The following PARD3 variants were observed in gnomAD, a reference collection of about 807,000 sequenced individuals.
PARD3 encodes partitioning defective 3 homolog.
Under a neutral mutation model 155.4 loss-of-function variants are expected in PARD3, and 75 were observed. The ratio of observed to expected loss-of-function variants is 0.48; its 90% confidence interval spans 0.40 to 0.58. The LOEUF is 0.58. Among genes scored for constraint, PARD3 ranks in the 20% least tolerant of loss-of-function variants. PARD3 has a pLI of 0.00. For synonymous variants in PARD3, 576 were observed against 610.5 expected (o/e 0.94, Z 0.83); for missense variants, 1,642 against 1,721.7 (o/e 0.95, Z 0.82).
At chr10:34,431,639 C>A (rs928941089) in intron 5 of PARD3, among the ~76,000 whole-genome samples, 6 of 148,098 alleles carry the variant, frequency 4.1e-5, no homozygotes, top group Non-Finnish European at 8.9e-5. Context: ...ACTTGGGAGG[C>A]TGAGGCAACA....
At chr10:34,798,351 G>A (rs891151027) in intron 1 of PARD3, among the ~76,000 whole-genome samples, 1 of 151,292 alleles carries the variant, frequency 6.6e-6, no homozygotes, top group Non-Finnish European at 1.5e-5. Flanking sequence ...GAAGGAGAAG[G>A]AGAAGGAGAA....
chr10:34,365,844 T>TC (rs1294840961), intron 12 of PARD3, among the ~76,000 whole-genome samples: 1 of 152,048 alleles, frequency 6.6e-6, no homozygotes, highest in East Asian at 1.9e-4. Flanking sequence ...CACCTTGGCC[T>TC]CCCAAAGTGC....
chr10:34,211,228 G>C (rs1015830341), intron 22 of PARD3, among the ~76,000 whole-genome samples: 4 of 152,158 alleles, frequency 2.6e-5, no homozygotes, highest in African/African-American at 4.8e-5. Flanking sequence ...GATGTGTCTA[G>C]GGTCGTAAAG....
Position 34,119,694 on chromosome 10 carries a change from A to G in PARD3, c.3587T>C (p.Val1196Ala). Residue 1196 changes from valine (V) to alanine (A), a missense_variant, in exon 24 of 25, where the codon GTG becomes GCG. Physicochemically the swap from Val to Ala is moderately conservative, Grantham distance 64. Around this residue, in one of 3 missense-constraint regions of PARD3, gnomAD observed 1,529 missense variants for 1,587.3 expected, o/e 0.96. Transcript: ENST00000374788. ...ATQSGRHSVS[V>A]EVQMQRQRQE... ...CCGCTGCCGCTGCATCTGCACCTCCACGGACACCGAGTGTCGCCCGCTCTG... is the reference window on the plus strand; with the variant it reads ...CCGCTGCCGCTGCATCTGCACCTCCGCGGACACCGAGTGTCGCCCGCTCTG... 1 of 1,613,038 alleles carries G rather than the reference A, an allele frequency of 6.2e-7. No individual in the cohort carries two copies. The highest frequency in any genetic ancestry group is 1.3e-5 in the African/African-American group (1 of 75,044).
intron 23 of PARD3, among the ~76,000 whole-genome samples, chr10:34,128,046 T>TA (rs1365671078): frequency 1.3e-5 from 2 of 152,158 alleles, no homozygotes; most frequent in African/African-American, 4.8e-5. Flanking sequence ...AGAAGACAAT[T>TA]AGAGATTTTC....
chr10:34,540,399 G>A (rs1212442677), intron 2 of PARD3, among the ~76,000 whole-genome samples: 1 of 151,858 alleles, frequency 6.6e-6, no homozygotes, highest in African/African-American at 2.4e-5. Flanking sequence ...TTCATGGAAG[G>A]AAGGAAGGTG....
chr10:34,214,316 G>A (rs1951897116), intron 22 of PARD3, among the ~76,000 whole-genome samples: 1 of 152,106 alleles, frequency 6.6e-6, no homozygotes, highest in Non-Finnish European at 1.5e-5. Flanking sequence ...TCCTAATAAT[G>A]TTATTGCCAT....
chr10:34,762,268 G>A (rs1490569949), intron 1 of PARD3, among the ~76,000 whole-genome samples: 1 of 142,576 alleles, frequency 7.0e-6, no homozygotes, highest in African/African-American at 2.6e-5. Flanking sequence ...GGGAGAGAGA[G>A]AGAGACAAAG....
At chr10:34,264,034 C>T (rs777481830) in intron 22 of PARD3, among the ~76,000 whole-genome samples, 10 of 152,152 alleles carry the variant, frequency 6.6e-5, no homozygotes, top group Non-Finnish European at 1.2e-4. Context: ...ATTCATTATA[C>T]AGATGGTCCC....
intron 1 of PARD3, among the ~76,000 whole-genome samples, chr10:34,810,537 C>T (rs1380535062): frequency 1.3e-5 from 2 of 152,188 alleles, no homozygotes; most frequent in Non-Finnish European, 2.9e-5. Flanking sequence ...GCTTTTACTT[C>T]CCCAGCCCAT....
At chr10:34,781,012 ACTTTC>A (rs1278217617) in intron 1 of PARD3, among the ~76,000 whole-genome samples, 1 of 152,204 alleles carries the variant, frequency 6.6e-6, no homozygotes, top group Non-Finnish European at 1.5e-5. Context: ...CTTACTTTGT[ACTTTC>A]CTTGAACTTG....
chr10:34,119,828 T>A, intron 23 of PARD3, 88 bp from the exon 24 acceptor site: 1 of 1,225,422 alleles, frequency 8.2e-7, no homozygotes. Flanking sequence ...TTCTTATGAA[T>A]TGACTTTGAA....
intron 2 of PARD3, among the ~76,000 whole-genome samples, chr10:34,634,625 A>G (rs1488189340): frequency 6.6e-6 from 1 of 151,886 alleles, no homozygotes; most frequent in Non-Finnish European, 1.5e-5. Flanking sequence ...AAAGAAACAA[A>G]AACAGGGCAA....
chr10:34,657,859 A>C (rs952746068), intron 2 of PARD3, among the ~76,000 whole-genome samples: 1 of 151,516 alleles, frequency 6.6e-6, no homozygotes, highest in African/African-American at 2.4e-5. Context: ...TTTTTAAGAG[A>C]TCAACAGCCA....
intron 1 of PARD3, among the ~76,000 whole-genome samples, chr10:34,709,537 T>C (rs928321256): frequency 6.6e-6 from 1 of 152,196 alleles, no homozygotes; most frequent in African/African-American, 2.4e-5. Flanking sequence ...GTCGTGACTC[T>C]AAACCAGGAT....
chr10:34,260,418 A>T (rs1479332078), intron 22 of PARD3, among the ~76,000 whole-genome samples: 1 of 152,196 alleles, frequency 6.6e-6, no homozygotes, highest in Non-Finnish European at 1.5e-5. Context: ...GATCTGGAAG[A>T]CTGTTTAGAG....
chr10:34,660,116 A>G (rs1403703970), intron 2 of PARD3, among the ~76,000 whole-genome samples: 1 of 152,206 alleles, frequency 6.6e-6, no homozygotes, highest in Non-Finnish European at 1.5e-5. Context: ...CATAACATCA[A>G]TAACTCTAAG....
At chr10:34,698,630 C>A (rs545376753) in intron 1 of PARD3, among the ~76,000 whole-genome samples, 1 of 152,178 alleles carries the variant, frequency 6.6e-6, no homozygotes, top group South Asian at 2.1e-4. Flanking sequence ...CAGCCTCCAA[C>A]TCCTGGGCTC....
At chr10:34,514,115 C>T (rs1206925006) in intron 3 of PARD3, among the ~76,000 whole-genome samples, 1 of 152,136 alleles carries the variant, frequency 6.6e-6, no homozygotes, top group South Asian at 2.1e-4. Flanking sequence ...ACTTCGTATC[C>T]ATTTTTCTAT....
Sources: gnomAD v4.1 joint callset for allele counts (sites outside exome capture counted in the v4.1 genomes callset) on GRCh38, gnomAD v4.1.1 for gene constraint, gnomAD v4.1.1 regional missense constraint, MANE v1.5 for transcripts, NCBI Gene and HGNC (gene_info 2026-07-23, HGNC 2026-07-21) for gene names.